Variants in DNER observed in about 807,000 individuals in gnomAD.
The protein encoded by DNER is delta/notch like EGF repeat containing.
A neutral mutation model predicts 78.2 loss-of-function variants in DNER; 33 were observed. The ratio of observed to expected loss-of-function variants is 0.42; its 90% CI spans 0.32 to 0.56. The LOEUF (loss-of-function observed/expected upper bound fraction) is 0.56. Ranked by LOEUF, DNER falls within the 20% of genes least tolerant of loss-of-function variation. DNER has a pLI of 0.11. For synonymous variants in DNER, 417 were observed against 384.8 expected, an observed-to-expected ratio of 1.08 and a Z score of -0.98; for missense variants, 918 against 975.3, an observed-to-expected ratio of 0.94 and a Z score of 0.78.
At position 229,625,025 on chromosome 2, in the gene DNER, T is replaced by C. The variant is rs538158208; in HGVS notation, c.277-33137A>G. Among the ~76,000 whole-genome samples, 12 of 152,324 alleles carry C rather than the reference T, an allele frequency of 7.9e-5. 1 individual carries two copies. The South Asian group carries it at 2.5e-3, about 32-fold the overall frequency. On this transcript the variant is annotated intron_variant, in intron 1 of 12. Transcript: ENST00000341772. ...CGCTATTATTTCATTTTACTCTTTA[T>C]ATTATTTCATTTTATTATTTTGTTT...
At chr2:229,593,102 G>T (rs71415720) in intron 1 of DNER, among the ~76,000 whole-genome samples, 2,048 of 152,276 alleles carry the variant, frequency 0.013, 23 homozygotes, top group Non-Finnish European at 0.02. Context: ...CAGAATCTCA[G>T]ATCAGAGTCA....
At chr2:229,652,603 C>A (rs1346803960) in intron 1 of DNER, among the ~76,000 whole-genome samples, 1 of 152,198 alleles carries the variant, frequency 6.6e-6, no homozygotes, top group Admixed American at 6.5e-5. Context: ...GGGAGGCAAC[C>A]TGACTGCTCT....
At chr2:229,664,327 A>G (rs1699055321) in intron 1 of DNER, among the ~76,000 whole-genome samples, 4 of 149,734 alleles carry the variant, frequency 2.7e-5, no homozygotes, top group African/African-American at 1.0e-4. Flanking sequence ...GGTAAGATGC[A>G]AGCACCATCC....
chr2:229,447,644 T>C (rs1694368555), intron 7 of DNER, 104 bp from the exon 8 acceptor site: 11 of 1,240,312 alleles, frequency 8.9e-6, no homozygotes, highest in Non-Finnish European at 1.2e-5. Flanking sequence ...ATTAATTCAT[T>C]CACAGCTTCC....
At chr2:229,375,284 C>G (rs1191783054) in intron 11 of DNER, among the ~76,000 whole-genome samples, 1 of 152,196 alleles carries the variant, frequency 6.6e-6, no homozygotes, top group Non-Finnish European at 1.5e-5. Context: ...GTACCAGTCA[C>G]TGAACAATAT....
intron 5 of DNER, among the ~76,000 whole-genome samples, chr2:229,532,081 T>C (rs1347991651): frequency 1.3e-5 from 2 of 152,124 alleles, no homozygotes; most frequent in African/African-American, 4.8e-5. Flanking sequence ...TAGACAGAGG[T>C]GGTGGCTGCA....
intron 4 of DNER, among the ~76,000 whole-genome samples, chr2:229,551,936 AT>A (rs533574104): frequency 1.7e-4 from 25 of 149,418 alleles, no homozygotes; most frequent in African/African-American, 5.2e-4. Context: ...ATCTCAAAAA[AT>A]AAATAAATAA....
intron 1 of DNER, among the ~76,000 whole-genome samples, chr2:229,664,006 AG>A (rs1699050711): frequency 2.0e-5 from 3 of 152,202 alleles, no homozygotes. Context: ...CATTCCAAAA[AG>A]GCCTTGAAAT....
chr2:229,619,150 T>TACACAC (rs67363480), intron 1 of DNER, among the ~76,000 whole-genome samples: 80 of 150,054 alleles, frequency 5.3e-4, no homozygotes, highest in Non-Finnish European at 8.8e-4. Flanking sequence ...AAAAAATTTA[T>TACACAC]ACACACACAC....
chr2:229,576,783 G>A (rs1258830823), intron 4 of DNER, among the ~76,000 whole-genome samples: 1 of 152,042 alleles, frequency 6.6e-6, no homozygotes, highest in Non-Finnish European at 1.5e-5. Context: ...TCAGAGTGGA[G>A]AGAAATGACG....
chr2:229,525,575 T>C (rs2154212687), intron 5 of DNER, among the ~76,000 whole-genome samples: 1 of 152,346 alleles, frequency 6.6e-6, no homozygotes, highest in Non-Finnish European at 1.5e-5. Context: ...TGCATTTTAT[T>C]TCTATAGTCT....
chr2:229,431,374 A>G (rs1336605968), intron 8 of DNER, among the ~76,000 whole-genome samples: 2 of 152,178 alleles, frequency 1.3e-5, no homozygotes, highest in African/African-American at 4.8e-5. Flanking sequence ...AAACTTGTCC[A>G]TCATCTGGGG....
At chr2:229,618,398 AC>A (rs1698201333) in intron 1 of DNER, among the ~76,000 whole-genome samples, 1 of 152,140 alleles carries the variant, frequency 6.6e-6, no homozygotes, top group Admixed American at 6.6e-5. Context: ...GAAAAATGGA[AC>A]CGCACTACAT....
chr2:229,610,701 T>A (rs962969184), intron 1 of DNER, among the ~76,000 whole-genome samples: 1 of 152,172 alleles, frequency 6.6e-6, no homozygotes, highest in East Asian at 1.9e-4. Flanking sequence ...GACAGTGTAC[T>A]GGAAGATCAG....
intron 1 of DNER, among the ~76,000 whole-genome samples, chr2:229,667,919 C>T (rs189812406): frequency 1.2e-3 from 177 of 152,274 alleles, no homozygotes; most frequent in African/African-American, 4.0e-3. Context: ...CAAATCCATT[C>T]GTTAATTTGG....
At chr2:229,456,325 T>G (rs1694572178) in intron 7 of DNER, among the ~76,000 whole-genome samples, 1 of 151,310 alleles carries the variant, frequency 6.6e-6, no homozygotes, top group African/African-American at 2.4e-5. Context: ...TCATGATGGA[T>G]CCCCGTGATC....
At chr2:229,579,575 T>C (rs2154214266) in intron 4 of DNER, among the ~76,000 whole-genome samples, 1 of 152,182 alleles carries the variant, frequency 6.6e-6, no homozygotes, top group South Asian at 2.1e-4. Flanking sequence ...GACTCAGATA[T>C]CTTTGAGAAT....
At chr2:229,386,923 C>T (rs1692880250) in intron 11 of DNER, among the ~76,000 whole-genome samples, 2 of 152,076 alleles carry the variant, frequency 1.3e-5, no homozygotes, top group South Asian at 4.2e-4. Context: ...TGTGGTGATT[C>T]CTTAAGGATC....
intron 10 of DNER, among the ~76,000 whole-genome samples, chr2:229,390,946 C>T (rs528239653): frequency 6.5e-4 from 99 of 152,238 alleles, no homozygotes; most frequent in Admixed American, 1.5e-3. Flanking sequence ...AACCCTCCTA[C>T]GCATCTAGTT....
Sources: allele counts gnomAD v4.1 joint callset (sites outside exome capture counted in the v4.1 genomes callset), GRCh38; gene constraint gnomAD v4.1.1; transcripts MANE v1.5; gene names NCBI Gene and HGNC (gene_info 2026-07-23, HGNC 2026-07-21).